Variants in OPCML observed in about 807,000 individuals in gnomAD.
OPCML encodes the protein opioid-binding protein/cell adhesion molecule.
OPCML carries 13 observed loss-of-function variants against 37.8 expected under a neutral mutation model. The ratio of observed to expected loss-of-function variants is 0.34; its 90% CI spans 0.22 to 0.55. OPCML has a LOEUF of 0.55. OPCML is among the 20% of genes least tolerant of loss of function. The pLI is 0.91. For synonymous variants in OPCML, 176 were observed against 168.8 expected (o/e 1.04, Z -0.33); for missense variants, 341 against 435.6 (o/e 0.78, Z 1.93).
intron 2 of OPCML, among the ~76,000 whole-genome samples, chr11:132,697,917 A>G (rs2135911412): frequency 6.6e-6 from 1 of 151,946 alleles, no homozygotes; most frequent in East Asian, 1.9e-4. Context: ...ACAGGCATGC[A>G]TTACCACACC....
rs11821898 is a variant in OPCML, at chr11:133,008,179, T to G, written c.62-65169A>C. The stretch of plus-strand genomic sequence containing the variant: ...AAATAACATCAGTGACCAAGAACCC[T>G]TGGGTCATTCCATTGGCTACAGAAT... On this transcript the variant is annotated intron_variant, in intron 1 of 7. Coordinates refer to ENST00000524381, the MANE Select transcript of OPCML (RefSeq NM_001012393.5). 3.9e-4 allele frequency: 381 copies of G among 985,446 alleles called. 4 individuals are homozygous for G. In the African/African-American group the frequency reaches 6.3e-3, roughly 16 times the overall value. 61.0% of individuals were successfully genotyped at this position (985,446 alleles called of 1,614,324 possible). A position where few individuals can be genotyped will look rare whatever the true frequency, so the allele number is the denominator to read the frequency against.
chr11:133,015,513 C>T (rs541720636), intron 1 of OPCML, among the ~76,000 whole-genome samples: 1 of 151,740 alleles, frequency 6.6e-6, no homozygotes, highest in South Asian at 2.1e-4. Flanking sequence ...AGTCATTGCA[C>T]ATAACAGTCA....
chr11:133,207,704 A>C, intron 1 of OPCML, among the ~76,000 whole-genome samples: 2 of 152,326 alleles, frequency 1.3e-5, no homozygotes, highest in Middle Eastern at 6.8e-3. Flanking sequence ...TCTGTCATGT[A>C]CTATCCAGAC....
chr11:133,481,630 C>A (rs1297383667), intron 1 of OPCML, among the ~76,000 whole-genome samples: 1 of 151,892 alleles, frequency 6.6e-6, no homozygotes, highest in African/African-American at 2.4e-5. Context: ...GGTTTTATTC[C>A]ACTATGAAAA....
intron 2 of OPCML, among the ~76,000 whole-genome samples, chr11:132,777,547 CCTG>C (rs1287482566): frequency 6.6e-6 from 1 of 152,166 alleles, no homozygotes; most frequent in African/African-American, 2.4e-5. Context: ...ACCCACGCTG[CCTG>C]CTGATTTTTA....
intron 1 of OPCML, among the ~76,000 whole-genome samples, chr11:133,348,843 T>C (rs1944062391): frequency 6.6e-6 from 1 of 152,158 alleles, no homozygotes; most frequent in South Asian, 2.1e-4. Flanking sequence ...GCCCCTACCA[T>C]GAGCAGTATG....
At chr11:132,735,335 C>T (rs1456490279) in intron 2 of OPCML, among the ~76,000 whole-genome samples, 3 of 151,990 alleles carry the variant, frequency 2.0e-5, no homozygotes, top group African/African-American at 7.2e-5. Flanking sequence ...GACAACAGGG[C>T]TTCTTAGAAG....
intron 2 of OPCML, among the ~76,000 whole-genome samples, chr11:132,821,783 C>T (rs1940001890): frequency 6.6e-6 from 1 of 152,170 alleles, no homozygotes; most frequent in Non-Finnish European, 1.5e-5. Context: ...TCCCCTTCCT[C>T]CCCTTCTCAC....
chr11:133,408,734 G>A (rs1945580404), intron 1 of OPCML, among the ~76,000 whole-genome samples: 1 of 152,120 alleles, frequency 6.6e-6, no homozygotes, highest in African/African-American at 2.4e-5. Flanking sequence ...AAAAGACCCT[G>A]AGAAAACCCC....
chr11:133,259,360 A>C (rs907728379), intron 1 of OPCML, among the ~76,000 whole-genome samples: 8 of 152,212 alleles, frequency 5.3e-5, no homozygotes, highest in African/African-American at 1.9e-4. Flanking sequence ...GACTAAAGCA[A>C]AGAAAGGTTT....
intron 1 of OPCML, among the ~76,000 whole-genome samples, chr11:133,204,850 T>TTATATATATATATATGTGTATATATATA (rs1938961524): frequency 5.7e-5 from 7 of 123,612 alleles, no homozygotes; most frequent in Non-Finnish European, 1.0e-4. Flanking sequence ...TTGTGATCTA[T>TTATATATATATATATGTGTATATATATA]TATATATATA....
intron 1 of OPCML, among the ~76,000 whole-genome samples, chr11:133,092,163 G>T (rs950394405): frequency 6.6e-6 from 1 of 152,092 alleles, no homozygotes; most frequent in Non-Finnish European, 1.5e-5. Context: ...GGAGGCAACG[G>T]GGCACTACAT....
chr11:132,962,900 A>T (rs1423261040), intron 1 of OPCML, among the ~76,000 whole-genome samples: 13 of 152,242 alleles, frequency 8.5e-5, no homozygotes, highest in Non-Finnish European at 1.5e-5. Flanking sequence ...CTTCATCCCC[A>T]CCAGCCTGCC....
At chr11:132,912,059 T>G (rs1168612709) in intron 2 of OPCML, among the ~76,000 whole-genome samples, 1 of 152,096 alleles carries the variant, frequency 6.6e-6, no homozygotes, top group Non-Finnish European at 1.5e-5. Context: ...CTGGGACCAT[T>G]AGAACACTTG....
chr11:133,475,131 T>C (rs1168538820), intron 1 of OPCML, among the ~76,000 whole-genome samples: 2 of 152,218 alleles, frequency 1.3e-5, no homozygotes, highest in Non-Finnish European at 1.5e-5. Context: ...TAAATAATAG[T>C]ATTCCTACAC....
intron 4 of OPCML, among the ~76,000 whole-genome samples, chr11:132,474,576 G>A (rs1592229322): frequency 1.3e-5 from 2 of 152,226 alleles, no homozygotes; most frequent in South Asian, 4.1e-4. Flanking sequence ...CAGAATCTCA[G>A]GCCTCACTAT....
At chr11:133,147,181 G>C (rs975735522) in intron 1 of OPCML, among the ~76,000 whole-genome samples, 6 of 152,082 alleles carry the variant, frequency 3.9e-5, no homozygotes, top group Non-Finnish European at 7.4e-5. Flanking sequence ...TATCACTAAG[G>C]CTGATAGGCA....
chr11:133,507,078 C>T (rs560674893), intron 1 of OPCML, among the ~76,000 whole-genome samples: 1 of 152,346 alleles, frequency 6.6e-6, no homozygotes, highest in Non-Finnish European at 1.5e-5. Flanking sequence ...GTCTATTTCT[C>T]CCTTGCTCCA....
chr11:133,003,738 T>C (rs953502783), intron 1 of OPCML: 1 of 985,428 alleles, frequency 1.0e-6, no homozygotes, highest in Non-Finnish European at 1.2e-6. Flanking sequence ...TCTGACTTCC[T>C]GGAGGCCATG....
Sources: gnomAD v4.1 joint callset for allele counts (sites outside exome capture counted in the v4.1 genomes callset) on GRCh38, gnomAD v4.1.1 for gene constraint, MANE v1.5 for transcripts, NCBI Gene and HGNC (gene_info 2026-07-23, HGNC 2026-07-21) for gene names.